The following ZNF713 variants were observed in gnomAD, a reference collection of about 807,000 sequenced individuals.
ZNF713 encodes the protein zinc finger protein 713.
Under a neutral mutation model 28.7 loss-of-function variants are expected in ZNF713, and 21 were observed. The ratio of observed to expected loss-of-function variants is 0.73; its 90% CI spans 0.52 to 1.05. The LOEUF is 1.05. ZNF713 is among the 50% of genes least tolerant of loss of function. The pLI is 0.00. For missense variants in ZNF713, 458 were observed against 532.4 expected (o/e 0.86, Z 1.37); for synonymous variants, 167 against 178.0 (o/e 0.94, Z 0.49).
At chr7:55,903,972 C>G (rs894371421) in intron 1 of ZNF713, among the ~76,000 whole-genome samples, 1 of 152,050 alleles carries the variant, frequency 6.6e-6, no homozygotes, top group Non-Finnish European at 1.5e-5. Context: ...CTGATATGAT[C>G]AGGTTTTTGT....
rs1786436179 is a variant in ZNF713 at position 55,940,104 on chromosome 7, A to G, written c.*98A>G. 1 of 1,464,922 alleles carries G rather than the reference A, an allele frequency of 6.8e-7. No individual in the cohort carries two copies. Among genetic ancestry groups the G allele is most frequent in the Non-Finnish European group, 9.0e-7 (1 of 1,115,230 alleles). 90.7% of individuals were successfully genotyped at this position (1,464,922 alleles called of 1,614,324 possible). A position where few individuals can be genotyped will look rare whatever the true frequency, so the allele number is the denominator to read the frequency against. ...ATATCAAATTATTCATAGTGGAGAG[A>G]AAGCTTATACATAAATTTTTGTTTT... is the stretch of plus-strand genomic sequence containing the variant. On this transcript the variant is annotated 3_prime_UTR_variant, in exon 7 of 7. Coordinates refer to ENST00000429591, the MANE Select transcript of ZNF713 (RefSeq NM_182633.3).
At chr7:55,896,012 G>A (rs556061672) in intron 1 of ZNF713, among the ~76,000 whole-genome samples, 274 of 152,216 alleles carry the variant, frequency 1.8e-3, no homozygotes, top group Non-Finnish European at 2.2e-3. Flanking sequence ...TTAATGGCAA[G>A]AGACGAGAGA....
chr7:55,895,790 T>C (rs1785462705), intron 1 of ZNF713, among the ~76,000 whole-genome samples: 1 of 152,112 alleles, frequency 6.6e-6, no homozygotes, highest in Admixed American at 6.6e-5. Flanking sequence ...TTCTAAATAT[T>C]TACAAATTTT....
rs199553868 is a variant in ZNF713, at chr7:55,926,992, C to G, written c.307+3293C>G. Among the ~76,000 whole-genome samples the G allele has an allele frequency of 4.0e-5, 6 of 151,742 alleles. No homozygotes were observed. The East Asian group carries it at 1.2e-3, about 30-fold the overall frequency. On this transcript the variant is annotated intron_variant, in intron 6 of 6. Coordinates refer to ENST00000429591, the MANE Select transcript of ZNF713 (RefSeq NM_182633.3). ...CTCCATCTCTACTAAAAATACAAAA[C>G]TTAGCCAGGCATGGTTGTGGGCGCT...
rs1013812074 is a variant in ZNF713 at position 55,938,197 on chromosome 7, G to A, written c.308-785G>A. On this transcript the variant is annotated intron_variant, in intron 6 of 6. Transcript: ENST00000429591. ...CCAGCCTGGGCGATAGAGTGATAGA[G>A]CGAGACTCCATCTCAAAAAAACAAA... 4.6e-5 allele frequency among the ~76,000 whole-genome samples: 7 copies of A among 152,208 alleles called. 1 individual carries two copies. Among genetic ancestry groups the A allele is most frequent in the Admixed American group, 3.3e-4 (5 of 15,270 alleles).
chr7:55,895,451 C>CTTTTTTTTT (rs55972416), intron 1 of ZNF713, among the ~76,000 whole-genome samples: 2 of 82,398 alleles, frequency 2.4e-5, no homozygotes, highest in African/African-American at 3.8e-5. Context: ...CTGTTATACT[C>CTTTTTTTTT]TTTTTTTTTT....
intron 1 of ZNF713, among the ~76,000 whole-genome samples, chr7:55,889,582 C>G (rs984951800): frequency 6.6e-6 from 1 of 152,182 alleles, no homozygotes; most frequent in Admixed American, 6.5e-5. Context: ...TGAAAACTTG[C>G]GGCTCCCTGC....
intron 2 of ZNF713, among the ~76,000 whole-genome samples, chr7:55,908,047 A>G (rs1785715438): frequency 6.6e-6 from 1 of 151,150 alleles, no homozygotes; most frequent in Non-Finnish European, 1.5e-5. Context: ...GCTGTTTTTC[A>G]TTGAGGTTGT....
At chr7:55,894,826 CTTTTG>C (rs1184686269) in intron 1 of ZNF713, among the ~76,000 whole-genome samples, 1 of 149,372 alleles carries the variant, frequency 6.7e-6, no homozygotes, top group Non-Finnish European at 1.5e-5. Context: ...AATGTTTTGA[CTTTTG>C]TTTTCTGTCA....
chr7:55,934,648 G>A (rs1451675575), intron 6 of ZNF713, among the ~76,000 whole-genome samples: 3 of 152,036 alleles, frequency 2.0e-5, no homozygotes, highest in Non-Finnish European at 4.4e-5. Context: ...AGGATGGCAA[G>A]CACATGCCAC....
chr7:55,921,320 A>G (rs546047267), intron 4 of ZNF713, among the ~76,000 whole-genome samples: 1 of 152,326 alleles, frequency 6.6e-6, no homozygotes, highest in Admixed American at 6.5e-5. Flanking sequence ...TCTGCAGCCC[A>G]CGGATCAAGG....
intron 6 of ZNF713, among the ~76,000 whole-genome samples, chr7:55,937,495 A>G (rs1268831361): frequency 2.6e-5 from 4 of 152,092 alleles, no homozygotes; most frequent in Non-Finnish European, 4.4e-5. Context: ...TAACCCATCC[A>G]GGGGAAGGGA....
chr7:55,908,344 T>A (rs1222767317), intron 2 of ZNF713, among the ~76,000 whole-genome samples: 1 of 152,144 alleles, frequency 6.6e-6, no homozygotes, highest in Non-Finnish European at 1.5e-5. Context: ...GGTTTCACCA[T>A]GTTGGTCAGG....
At chr7:55,891,570 G>A (rs1480134217) in intron 1 of ZNF713, among the ~76,000 whole-genome samples, 2 of 152,092 alleles carry the variant, frequency 1.3e-5, no homozygotes, top group East Asian at 3.9e-4. Flanking sequence ...GTGCGCACCT[G>A]TGGTCCCAGC....
Position 55,927,896 on chromosome 7 carries a change from C to CAAAAAAAAAAAAAAAA in ZNF713, c.307+4206_307+4221dup, listed in dbSNP as rs71533249. 4.7e-4 allele frequency among the ~76,000 whole-genome samples: 21 copies of CAAAAAAAAAAAAAAAA among 44,940 alleles called. 2 individuals carry two copies. The highest frequency in any genetic ancestry group is 1.9e-3 in the East Asian group (2 of 1,072). 29.5% of individuals were successfully genotyped at this position (44,940 alleles called of 152,430 possible). A position where few individuals can be genotyped will look rare whatever the true frequency, so the allele number is the denominator to read the frequency against. On this transcript the variant is annotated intron_variant, in intron 6 of 6. Transcript: ENST00000429591. ...TGGGTGACAGAGCAAGACTCTGTCT[C>CAAAAAAAAAAAAAAAA]AAAAAAAAAAAAAAAAAAAAAAAAG... is the stretch of plus-strand genomic sequence containing the variant.
intron 4 of ZNF713, among the ~76,000 whole-genome samples, chr7:55,915,880 T>G (rs1484852342): frequency 3.9e-5 from 6 of 152,152 alleles, no homozygotes; most frequent in Admixed American, 3.3e-4. Context: ...AATTCTACAT[T>G]AAAAATCATC....
rs540463355 is a variant in ZNF713 at position 55,912,335 on chromosome 7, C to T, written c.-3+267C>T. Among the ~76,000 whole-genome samples the T allele has an allele frequency of 3.3e-5, 5 of 152,326 alleles. No homozygotes were observed. The East Asian group carries it at 7.7e-4, about 24-fold the overall frequency. ...TGCCAGATCAATTAAATCCAAATCTCTGAGTGTAGGGGCTGAACACTGGCT... is the reference window on the plus strand; with the variant it reads ...TGCCAGATCAATTAAATCCAAATCTTTGAGTGTAGGGGCTGAACACTGGCT... On this transcript the variant is annotated intron_variant, in intron 3 of 6. Transcript: ENST00000429591.
At chr7:55,920,585 G>GTT (rs1331148600) in intron 4 of ZNF713, among the ~76,000 whole-genome samples, 5 of 152,210 alleles carry the variant, frequency 3.3e-5, no homozygotes, top group Non-Finnish European at 4.4e-5. Flanking sequence ...TTTAAGGAAA[G>GTT]AAGCTGTCTC....
intron 4 of ZNF713, among the ~76,000 whole-genome samples, chr7:55,921,410 G>C (rs1785991318): frequency 6.6e-6 from 1 of 152,182 alleles, no homozygotes; most frequent in African/African-American, 2.4e-5. Context: ...TGATTCCTCT[G>C]ATGGATCTGG....
Sources: allele counts gnomAD v4.1 joint callset (sites outside exome capture counted in the v4.1 genomes callset), GRCh38; gene constraint gnomAD v4.1.1; transcripts MANE v1.5; gene names NCBI Gene and HGNC (gene_info 2026-07-23, HGNC 2026-07-21).